The following CELF2 variants were observed in gnomAD, a reference collection of about 807,000 sequenced individuals.
CELF2 encodes CUG triplet repeat RNA-binding protein 2.
Under a neutral mutation model 62.6 loss-of-function variants are expected in CELF2, and 8 were observed. That is an observed-to-expected ratio of 0.13 (90% CI 0.07 to 0.23). The LOEUF (loss-of-function observed/expected upper bound fraction) is 0.23. CELF2 is among the 10% of genes least tolerant of loss of function. The pLI is 1.00. For missense variants in CELF2, 333 were observed against 671.0 expected, an observed-to-expected ratio of 0.50 and a Z score of 5.56; for synonymous variants, 258 against 250.0, an observed-to-expected ratio of 1.03 and a Z score of -0.30.
chr10:10,867,217 G>A (rs1451100247), intron 1 of CELF2, among the ~76,000 whole-genome samples: 1 of 152,148 alleles, frequency 6.6e-6, no homozygotes. Context: ...GTCACTGAGT[G>A]CAGCTATGGA....
At chr10:11,189,251 A>G (rs1277750775) in intron 2 of CELF2, among the ~76,000 whole-genome samples, 4 of 152,276 alleles carry the variant, frequency 2.6e-5, no homozygotes, top group Admixed American at 2.6e-4. Flanking sequence ...TGGATACTCA[A>G]GAGGGACCTC....
At chr10:10,559,782 C>T in the CELF2 span, among the ~76,000 whole-genome samples, 1,182 of 152,280 alleles carry the variant, frequency 7.8e-3, 5 homozygotes, top group South Asian at 0.014. Context: ...ATTCCCTTCA[C>T]GCACATGTGG....
At chr10:10,591,756 A>C in the CELF2 span, among the ~76,000 whole-genome samples, 1 of 152,180 alleles carries the variant, frequency 6.6e-6, no homozygotes, top group Admixed American at 6.5e-5. Flanking sequence ...CCAGCCACTC[A>C]GCGTCCACCG....
chr10:10,791,445 T>G, the CELF2 span, among the ~76,000 whole-genome samples: 381 of 152,320 alleles, frequency 2.5e-3, 2 homozygotes, highest in African/African-American at 8.9e-3. Flanking sequence ...AAATCATTCA[T>G]GTAATTACAA....
In CELF2 at chr10:11,227,158, A is replaced by C. The variant is rs1179700242; in HGVS notation, c.354+9651A>C. 6.6e-6 allele frequency among the ~76,000 whole-genome samples: 1 copy of C among 152,332 alleles called. No individual in the cohort carries two copies. The highest frequency in any genetic ancestry group is 2.1e-4 in the South Asian group (1 of 4,824). On this transcript the variant is annotated intron_variant, in intron 3 of 12. Coordinates refer to ENST00000633077, the MANE Select transcript of CELF2 (RefSeq NM_001326342.2). The surrounding 1 kb of genome is among the most constrained non-coding windows in gnomAD (Gnocchi z 4.8). ...GGTTGTGAAACAAACGGAAACCTCA[A>C]CCTGCCTGCCATCATCACACCCTCC...
rs1051209231 is a variant in CELF2, at chr10:11,163,290, G to A, written c.75-2196G>A. 2.0e-5 allele frequency among the ~76,000 whole-genome samples: 3 copies of A among 152,264 alleles called. No homozygotes were observed. In the South Asian group the frequency reaches 6.2e-4, roughly 32 times the overall value. ...TTTGAACTTCTGTTTTCTGTTAGCC[G>A]AGACCTGTGGCAATACCTTCCTCTT... On this transcript the variant is annotated intron_variant, in intron 1 of 12. Coordinates refer to ENST00000633077, the MANE Select transcript of CELF2 (RefSeq NM_001326342.2).
chr10:11,163,831 C>T (rs189136428), intron 1 of CELF2, among the ~76,000 whole-genome samples: 25 of 152,298 alleles, frequency 1.6e-4, no homozygotes, highest in African/African-American at 3.6e-4. Flanking sequence ...TTCCTTACCC[C>T]GTAGGGTTTT....
chr10:11,256,677 A>G (rs1476766615), intron 4 of CELF2, among the ~76,000 whole-genome samples: 1 of 151,232 alleles, frequency 6.6e-6, no homozygotes, highest in South Asian at 2.1e-4. Flanking sequence ...AAAAAAAAAA[A>G]AAAAAAGGCA....
In CELF2 at chr10:11,329,827, TTAA is replaced by T. The variant is rs1178499674; in HGVS notation, c.*784_*786del. Reference sequence around the variant, plus strand: ...ACTTGATGTTTCTTGAAAGATAAATTTAATAATAATAAATAAATACATAAATAC... The same window carrying T: ...ACTTGATGTTTCTTGAAAGATAAATTTAATAATAAATAAATACATAAATAC... On this transcript the variant is annotated 3_prime_UTR_variant, in exon 13 of 13. Transcript: ENST00000633077. This position sits in a 1 kb window ranked among gnomAD's most constrained non-coding sequence, Gnocchi z 5.5. 6 of 152,116 alleles carry T rather than the reference TTAA, an allele frequency of 3.9e-5. No individual in the cohort carries two copies. The highest frequency in any genetic ancestry group is 3.9e-4 in the East Asian group (2 of 5,192). 9.4% of individuals were successfully genotyped at this position (152,116 alleles called of 1,614,324 possible).
the CELF2 span, among the ~76,000 whole-genome samples, chr10:10,582,355 T>C: frequency 5.3e-5 from 8 of 152,212 alleles, no homozygotes; most frequent in Non-Finnish European, 1.0e-4. Context: ...TTGGTGATGA[T>C]CTCATATTCC....
chr10:10,637,627 G>A, the CELF2 span, among the ~76,000 whole-genome samples: 1 of 152,146 alleles, frequency 6.6e-6, no homozygotes, highest in Non-Finnish European at 1.5e-5. Context: ...TCCAGCAAAG[G>A]TGACTGCGCT....
chr10:10,923,675 T>C (rs1341339210), intron 2 of CELF2, among the ~76,000 whole-genome samples: 2 of 152,230 alleles, frequency 1.3e-5, no homozygotes, highest in African/African-American at 4.8e-5. Flanking sequence ...TTAGATTATA[T>C]GAGCAACATG....
At chr10:11,113,097 G>A (rs2055638876) in intron 1 of CELF2, among the ~76,000 whole-genome samples, 1 of 152,244 alleles carries the variant, frequency 6.6e-6, no homozygotes, top group South Asian at 2.1e-4. Flanking sequence ...TATTGGGAAA[G>A]CCAATGAACA....
intron 1 of CELF2, among the ~76,000 whole-genome samples, chr10:11,076,711 GTT>G (rs2072060288): frequency 6.6e-6 from 1 of 152,172 alleles, no homozygotes; most frequent in African/African-American, 2.4e-5. Context: ...TTAGGGAAAA[GTT>G]TATAGTCAAA....
chr10:10,979,013 G>T (rs2051716193), intron 2 of CELF2, among the ~76,000 whole-genome samples: 1 of 152,168 alleles, frequency 6.6e-6, no homozygotes, highest in Non-Finnish European at 1.5e-5. Context: ...ATCCTGAAAA[G>T]TGTTCCCCAG....
chr10:10,767,644 A>T, the CELF2 span, among the ~76,000 whole-genome samples: 1 of 152,140 alleles, frequency 6.6e-6, no homozygotes, highest in South Asian at 2.1e-4. Flanking sequence ...TTATCTCCCA[A>T]GGGGCCATAT....
chr10:10,925,833 T>G (rs1365566446), intron 2 of CELF2, among the ~76,000 whole-genome samples: 1 of 152,180 alleles, frequency 6.6e-6, no homozygotes, highest in African/African-American at 2.4e-5. Context: ...TTTCCATACC[T>G]TTCACAACCC....
rs75076717 is a variant in CELF2 at position 11,294,959 on chromosome 10, G to C, written c.976+6407G>C. On this transcript the variant is annotated intron_variant, in intron 9 of 12. Transcript: ENST00000633077. The stretch of plus-strand genomic sequence containing the variant: ...AAACGTCTTTTCATTTTTTATTTTA[G>C]CTTTCCTATGGTGCTGACAGTCAAA... 5.6e-3 allele frequency among the ~76,000 whole-genome samples: 834 copies of C among 148,612 alleles called. 8 individuals are homozygous for C. The highest frequency in any genetic ancestry group is 0.02 in the African/African-American group (805 of 41,140).
chr10:10,541,260 A>G, the CELF2 span, among the ~76,000 whole-genome samples: 3 of 145,434 alleles, frequency 2.1e-5, no homozygotes, highest in Non-Finnish European at 4.6e-5. Flanking sequence ...AAAAAAAAAA[A>G]GACCCACACA....
Sources: gnomAD v4.1 joint callset for allele counts (sites outside exome capture counted in the v4.1 genomes callset) on GRCh38, gnomAD v4.1.1 for gene constraint, Gnocchi (gnomAD v3.1) non-coding constraint, MANE v1.5 for transcripts, NCBI Gene and HGNC (gene_info 2026-07-23, HGNC 2026-07-21) for gene names.